GRIA1: variants seen among roughly 807,000 people sequenced by gnomAD.
GRIA1 encodes glutamate ionotropic receptor AMPA type subunit 1.
GRIA1 carries 31 observed loss-of-function variants against 99.2 expected under a neutral mutation model. The ratio of observed to expected loss-of-function variants is 0.31; its 90% CI spans 0.23 to 0.42. The LOEUF is 0.42. GRIA1 is among the 10% of genes least tolerant of loss of function. The pLI is 1.00. For synonymous variants in GRIA1, 438 were observed against 432.4 expected (o/e 1.01, Z -0.16); for missense variants, 782 against 1,157.5 (o/e 0.68, Z 4.71).
chr5:153,501,554 G>T (rs1755013849), intron 2 of GRIA1, among the ~76,000 whole-genome samples: 1 of 152,134 alleles, frequency 6.6e-6, no homozygotes, highest in African/African-American at 2.4e-5. Flanking sequence ...CCCATGGAAG[G>T]GTTTTAAGCA....
At chr5:153,772,768 A>G (rs1259855250) in intron 13 of GRIA1, among the ~76,000 whole-genome samples, 1 of 152,216 alleles carries the variant, frequency 6.6e-6, no homozygotes, top group African/African-American at 2.4e-5. Context: ...CTTATTGATC[A>G]TCAGCCTAGA....
chr5:153,802,714 T>C lies in GRIA1; in HGVS notation c.2520+224T>C, dbSNP rs565805926. Among the ~76,000 whole-genome samples, 57 of 152,180 alleles carry C rather than the reference T, an allele frequency of 3.7e-4. 1 individual carries two copies. In the South Asian group the frequency reaches 0.011, roughly 30 times the overall value. On this transcript the variant is annotated intron_variant, in intron 15 of 15. Coordinates refer to ENST00000285900, the MANE Select transcript of GRIA1 (RefSeq NM_000827.4). The stretch of plus-strand genomic sequence containing the variant: ...CAGACACAAGGCCCAAGAAAAAAAT[T>C]GCATTTGCCAGAGTGGGGTCAGTGA...
intron 6 of GRIA1, among the ~76,000 whole-genome samples, chr5:153,675,410 A>G (rs1294551272): frequency 6.6e-6 from 1 of 152,238 alleles, no homozygotes; most frequent in Non-Finnish European, 1.5e-5. Flanking sequence ...ACTTCCCAGC[A>G]ACACAGCTCT....
chr5:153,521,348 C>G (rs1334369789), intron 2 of GRIA1, among the ~76,000 whole-genome samples: 1 of 152,218 alleles, frequency 6.6e-6, no homozygotes, highest in Non-Finnish European at 1.5e-5. Context: ...GAGTAAGAGG[C>G]AGAGCTGGAG....
At chr5:153,492,180 G>T (rs1461130862) in intron 1 of GRIA1, 2 of 1,522,226 alleles carry the variant, frequency 1.3e-6, no homozygotes, top group Middle Eastern at 1.7e-4. Context: ...TGGTGCAATT[G>T]ATATTTTGTC....
intron 2 of GRIA1, among the ~76,000 whole-genome samples, chr5:153,637,894 A>G (rs187617339): frequency 5.9e-5 from 9 of 152,336 alleles, no homozygotes; most frequent in South Asian, 2.1e-4. Flanking sequence ...GCTCTTTATG[A>G]GTTATTGTTC....
At chr5:153,599,677 C>T (rs1764725627) in intron 2 of GRIA1, among the ~76,000 whole-genome samples, 1 of 151,936 alleles carries the variant, frequency 6.6e-6, no homozygotes, top group African/African-American at 2.4e-5. Context: ...AACGTAGAAC[C>T]CACAGATACA....
intron 2 of GRIA1, among the ~76,000 whole-genome samples, chr5:153,612,227 G>A (rs567912874): frequency 6.6e-6 from 1 of 152,362 alleles, no homozygotes; most frequent in South Asian, 2.1e-4. Flanking sequence ...TAGGAGTGCT[G>A]AGAAGGGATA....
chr5:153,547,346 G>T (rs1403470743), intron 2 of GRIA1, among the ~76,000 whole-genome samples: 2 of 152,076 alleles, frequency 1.3e-5, no homozygotes, highest in Admixed American at 1.3e-4. Context: ...CTATAGAAAT[G>T]TCTCCTATTT....
At chr5:153,591,745 G>A (rs370408113) in intron 2 of GRIA1, among the ~76,000 whole-genome samples, 5 of 152,176 alleles carry the variant, frequency 3.3e-5, no homozygotes, top group Admixed American at 2.6e-4. Flanking sequence ...CATTTAAAAA[G>A]CACAGAATTG....
At chr5:153,770,063 T>G in intron 12 of GRIA1, 105 bp from the exon 13 acceptor site, 1 of 1,141,868 alleles carries the variant, frequency 8.8e-7, no homozygotes, top group South Asian at 1.4e-5. Context: ...TGAGCTAATC[T>G]CGCTCATGAA....
chr5:153,804,895 G>A lies in GRIA1; in HGVS notation c.2520+2405G>A, dbSNP rs542755677. Among the ~76,000 whole-genome samples, 7 of 152,220 alleles carry A rather than the reference G, an allele frequency of 4.6e-5. No homozygotes were observed. In the South Asian group the frequency reaches 1.5e-3, roughly 32 times the overall value. On this transcript the variant is annotated intron_variant, in intron 15 of 15. Transcript: ENST00000285900. ...CCCTCCCGAGTAGCTGGGATTAGAG[G>A]CGTGTGCCACCACACCTGGCTAATT...
At chr5:153,617,314 C>T (rs142060814) in intron 2 of GRIA1, among the ~76,000 whole-genome samples, 2 of 152,268 alleles carry the variant, frequency 1.3e-5, no homozygotes, top group African/African-American at 4.8e-5. Flanking sequence ...ATGTCTTTTC[C>T]ACTGTACACA....
chr5:153,501,563 C>T (rs544695520), intron 2 of GRIA1, among the ~76,000 whole-genome samples: 2 of 152,262 alleles, frequency 1.3e-5, no homozygotes, highest in Admixed American at 1.3e-4. Flanking sequence ...GGGTTTTAAG[C>T]AGAGAAGTGC....
Position 153,729,506 on chromosome 5 carries a change from G to A in GRIA1, c.1823+23439G>A, listed in dbSNP as rs976440847. ...ATTACACAGTAAAGAGTGTGTTGGGGCAGTTAGATTGGAGGTATTGGCTAA... is the reference window on the plus strand; with the variant it reads ...ATTACACAGTAAAGAGTGTGTTGGGACAGTTAGATTGGAGGTATTGGCTAA... On this transcript the variant is annotated intron_variant, in intron 11 of 15. Coordinates refer to ENST00000285900, the MANE Select transcript of GRIA1 (RefSeq NM_000827.4). Among the ~76,000 whole-genome samples the A allele has an allele frequency of 6.6e-5, 10 of 152,084 alleles. 1 individual carries two copies. Among genetic ancestry groups the A allele is most frequent in the African/African-American group, 2.4e-4 (10 of 41,502 alleles).
At chr5:153,504,361 C>T (rs957078218) in intron 2 of GRIA1, among the ~76,000 whole-genome samples, 3 of 148,132 alleles carry the variant, frequency 2.0e-5, no homozygotes, top group Non-Finnish European at 4.5e-5. Context: ...TATATATATA[C>T]ACTATCTATA....
chr5:153,491,655 C>T (rs971928781), intron 1 of GRIA1, among the ~76,000 whole-genome samples: 2 of 152,084 alleles, frequency 1.3e-5, no homozygotes, highest in Non-Finnish European at 2.9e-5. Flanking sequence ...TTCCTTGCCC[C>T]CTCCTCTTAG....
At chr5:153,750,326 G>A (rs567971102) in intron 11 of GRIA1, among the ~76,000 whole-genome samples, 3 of 152,194 alleles carry the variant, frequency 2.0e-5, no homozygotes, top group Admixed American at 6.5e-5. Flanking sequence ...CTTTATGCCC[G>A]TTTTCATTCC....
At chr5:153,687,050 C>T (rs1280232959) in intron 8 of GRIA1, among the ~76,000 whole-genome samples, 3 of 152,204 alleles carry the variant, frequency 2.0e-5, no homozygotes, top group African/African-American at 7.2e-5. Flanking sequence ...CCATCTCCCT[C>T]CTCTTGCCTG....
Sources: gnomAD v4.1 joint callset for allele counts (sites outside exome capture counted in the v4.1 genomes callset) on GRCh38, gnomAD v4.1.1 for gene constraint, MANE v1.5 for transcripts, NCBI Gene and HGNC (gene_info 2026-07-23, HGNC 2026-07-21) for gene names.